TET2: variants seen among roughly 807,000 people sequenced by gnomAD.
TET2 encodes the protein tet methylcytosine dioxygenase 2.
A neutral mutation model predicts 142.9 loss-of-function variants in TET2; 299 were observed. That is an observed-to-expected ratio of 2.09 (90% CI 1.90 to 2.30). TET2 has a LOEUF of 2.30. Among genes scored for constraint, TET2 ranks in the 30% most tolerant of loss-of-function variants. The pLI is 0.00. For missense variants in TET2, 2,418 were observed against 2,378.0 expected, an observed-to-expected ratio of 1.02 and a Z score of -0.35; for synonymous variants, 819 against 849.0, an observed-to-expected ratio of 0.96 and a Z score of 0.61.
At chr4:105,250,405 T>TTTTC (rs1729810393) in intron 6 of TET2, among the ~76,000 whole-genome samples, 1 of 94,860 alleles carries the variant, frequency 1.1e-5, no homozygotes, top group Non-Finnish European at 2.5e-5. Context: ...TTTTTTTTTT[T>TTTTC]TTTTTTGGTG....
At chr4:105,160,343 G>A (rs995057961) in intron 1 of TET2, among the ~76,000 whole-genome samples, 1 of 152,010 alleles carries the variant, frequency 6.6e-6, no homozygotes, top group African/African-American at 2.4e-5. Context: ...TAAAAAAAAA[G>A]GCATCAAAAA....
At chr4:105,224,017 GA>G (rs1177019392) in intron 2 of TET2, among the ~76,000 whole-genome samples, 4 of 150,782 alleles carry the variant, frequency 2.7e-5, no homozygotes, top group South Asian at 4.2e-4. Context: ...TTATTTTATG[GA>G]AAAAAATAAT....
At chr4:105,224,333 G>T (rs1728040928) in intron 2 of TET2, among the ~76,000 whole-genome samples, 1 of 152,092 alleles carries the variant, frequency 6.6e-6, no homozygotes, top group South Asian at 2.1e-4. Flanking sequence ...GAAATGAGAT[G>T]CTGATCCATT....
rs192145050 is a variant in TET2, at chr4:105,158,112, C to T, written c.-193+11133C>T. On this transcript the variant is annotated intron_variant, in intron 1 of 10. Coordinates refer to ENST00000380013, the MANE Select transcript of TET2 (RefSeq NM_001127208.3). The stretch of plus-strand genomic sequence containing the variant: ...ATATTGTAATTTTAAAACATTTTTA[C>T]CAACATTTTTCAAGAGCATGGGAAA... Among the ~76,000 whole-genome samples, 197 of 152,212 alleles carry T rather than the reference C, an allele frequency of 1.3e-3. 2 individuals are homozygous for T. Among genetic ancestry groups the T allele is most frequent in the Non-Finnish European group, 2.0e-3 (137 of 67,994 alleles).
intron 2 of TET2, among the ~76,000 whole-genome samples, chr4:105,227,821 T>G (rs1728275461): frequency 6.6e-6 from 1 of 152,164 alleles, no homozygotes; most frequent in South Asian, 2.1e-4. Context: ...TAAAAAAAAT[T>G]CATTAACTCT....
intron 1 of TET2, among the ~76,000 whole-genome samples, chr4:105,186,565 T>A (rs1725468717): frequency 6.9e-6 from 1 of 144,116 alleles, no homozygotes; most frequent in African/African-American, 2.6e-5. Flanking sequence ...AACCTCCGCC[T>A]CCTGGAGGCG....
At chr4:105,257,714 G>A (rs1730210364) in intron 6 of TET2, among the ~76,000 whole-genome samples, 1 of 152,092 alleles carries the variant, frequency 6.6e-6, no homozygotes, top group South Asian at 2.1e-4. Context: ...GCCTCCTGTG[G>A]ATCATCTCAT....
Position 105,235,200 on chromosome 4 carries a change from T to G in TET2, c.1258T>G (p.Ser420Ala), listed in dbSNP as rs1728775005. 1 of 1,614,020 alleles carries G rather than the reference T, an allele frequency of 6.2e-7. No homozygotes were observed. The highest frequency in any genetic ancestry group is 1.3e-5 in the African/African-American group (1 of 74,998). Residue 420 changes from serine (S) to alanine (A), a missense_variant, in exon 3 of 11, where the codon TCA (serine) becomes GCA (alanine). By Grantham distance (99) the Ser-to-Ala change is moderately conservative. Coordinates refer to ENST00000380013, the MANE Select transcript of TET2 (RefSeq NM_001127208.3). ...PPLPQVPQLPSEGKSTLNGGV... is the reference protein window; with the variant it reads ...PPLPQVPQLPAEGKSTLNGGV... The stretch of plus-strand genomic sequence containing the variant: ...TCTTCCACAGGTTCCTCAGCTTCCT[T>G]CAGAAGGAAAAAGCACTCTGAATGG...
Position 105,237,229 on chromosome 4 carries a change from C to G in TET2, c.3287C>G (p.Thr1096Arg). The G allele has an allele frequency of 6.2e-7, 1 of 1,614,104 alleles. No individual in the cohort carries two copies. The highest frequency in any genetic ancestry group is 8.5e-7 in the Non-Finnish European group (1 of 1,180,010). Residue 1096 changes from threonine (T) to arginine (R), a missense_variant, in exon 3 of 11, where the codon ACA becomes AGA. Physicochemically the swap from Thr to Arg is moderately conservative, Grantham distance 71 (BLOSUM62 -1). Transcript: ENST00000380013. ...TCAGAAAAGACACCAACCAAAAGAA[C>G]AGCTGCTTCTGTTCTCAATAATTTT... The part of the protein sequence containing the change: ...TSSEKTPTKR[T>R]AASVLNNFIE...
At chr4:105,225,644 T>C (rs1728146950) in intron 2 of TET2, among the ~76,000 whole-genome samples, 1 of 152,174 alleles carries the variant, frequency 6.6e-6, no homozygotes, top group Non-Finnish European at 1.5e-5. Flanking sequence ...GGCACTTCAG[T>C]AGTCTCATTG....
chr4:105,171,153 T>C (rs1222672806), intron 1 of TET2, among the ~76,000 whole-genome samples: 1 of 152,198 alleles, frequency 6.6e-6, no homozygotes, highest in African/African-American at 2.4e-5. Context: ...TTCAGTGTTA[T>C]TTCTGAGCTC....
At chr4:105,244,584 A>ATTTTTTTTTT (rs1237638072) in intron 6 of TET2, among the ~76,000 whole-genome samples, 9 of 116,752 alleles carry the variant, frequency 7.7e-5, no homozygotes, top group Admixed American at 2.7e-4. Flanking sequence ...CTACACAGAA[A>ATTTTTTTTTT]TGTTTTTTTT....
chr4:105,255,215 C>T lies in TET2; in HGVS notation c.3804-4404C>T, dbSNP rs538260813. ...TCCATCCAATAAAATATGAGTATGTCGAGTTTTCATTTACAACAAGGTATT... is the reference window on the plus strand; with the variant it reads ...TCCATCCAATAAAATATGAGTATGTTGAGTTTTCATTTACAACAAGGTATT... On this transcript the variant is annotated intron_variant, in intron 6 of 10. Transcript: ENST00000380013. Among the ~76,000 whole-genome samples, 94 of 152,212 alleles carry T rather than the reference C, an allele frequency of 6.2e-4. 1 individual carries two copies. The South Asian group carries it at 0.018, about 30-fold the overall frequency.
intron 1 of TET2, among the ~76,000 whole-genome samples, chr4:105,170,115 T>C (rs1489403900): frequency 1.3e-5 from 2 of 152,158 alleles, no homozygotes; most frequent in Non-Finnish European, 2.9e-5. Flanking sequence ...CTGTGAAGAA[T>C]GATGGTGGTA....
rs1414495315 is a variant in TET2 at position 105,159,235 on chromosome 4, TTTTC to T, written c.-193+12272_-193+12275del. Reference sequence around the variant, plus strand: ...CTGTGCCTAAATACAAGATTAATCTTTTTCTTTCTTTCTTTCTTTTTTTTTTTTT... The same window carrying T: ...CTGTGCCTAAATACAAGATTAATCTTTTTCTTTCTTTCTTTTTTTTTTTTT... On this transcript the variant is annotated intron_variant, in intron 1 of 10. Transcript: ENST00000380013. Among the ~76,000 whole-genome samples the T allele has an allele frequency of 7.6e-4, 116 of 151,714 alleles. 2 individuals are homozygous for T. The South Asian group carries it at 0.011, about 15-fold the overall frequency.
rs1251631102 is a variant in TET2 at position 105,279,004 on chromosome 4, G to A, written c.*2485G>A. The stretch of plus-strand genomic sequence containing the variant: ...TAAAATAAATTCTTAATCAGAGGAG[G>A]CCTTTGGGTTTTATTGGTCAAATCT... On this transcript the variant is annotated 3_prime_UTR_variant, in exon 11 of 11. Transcript: ENST00000380013. 4.3e-6 allele frequency: 1 copy of A among 232,766 alleles called. No homozygotes were observed. Among genetic ancestry groups the A allele is most frequent in the Non-Finnish European group, 8.5e-6 (1 of 117,864 alleles). The allele number at this position is 232,766 out of a possible 1,614,324, so 14.4% of individuals were successfully genotyped here. A position where few individuals can be genotyped will look rare whatever the true frequency, so the allele number is the denominator to read the frequency against.
chr4:105,214,794 G>A (rs889048345), intron 2 of TET2, among the ~76,000 whole-genome samples: 2 of 152,048 alleles, frequency 1.3e-5, no homozygotes, highest in African/African-American at 2.4e-5. Flanking sequence ...TAGAAGCTCC[G>A]TGCACTTTCC....
chr4:105,154,073 TC>T (rs766878937), intron 1 of TET2, among the ~76,000 whole-genome samples: 1 of 152,200 alleles, frequency 6.6e-6, no homozygotes, highest in Non-Finnish European at 1.5e-5. Context: ...TTAAGTAACG[TC>T]CAGAATAGGC....
intron 1 of TET2, among the ~76,000 whole-genome samples, chr4:105,176,035 G>A (rs1451297785): frequency 6.6e-6 from 1 of 152,062 alleles, no homozygotes; most frequent in Non-Finnish European, 1.5e-5. Context: ...TGTTGCCAGT[G>A]GACCACCCTT....
Sources: gnomAD v4.1 joint callset for allele counts (sites outside exome capture counted in the v4.1 genomes callset) on GRCh38, gnomAD v4.1.1 for gene constraint, MANE v1.5 for transcripts, NCBI Gene and HGNC (gene_info 2026-07-23, HGNC 2026-07-21) for gene names.